Variants in TET2 observed in about 807,000 individuals in gnomAD.
TET2 encodes the protein tet methylcytosine dioxygenase 2.
A neutral mutation model predicts 142.9 loss-of-function variants in TET2; 299 were observed. The observed-to-expected ratio is 2.09, with a 90% confidence interval of 1.90 to 2.30. The LOEUF is 2.30. Among genes scored for constraint, TET2 ranks in the 30% most tolerant of loss-of-function variants. TET2 has a pLI of 0.00. For synonymous variants in TET2, 819 were observed against 849.0 expected, an observed-to-expected ratio of 0.96 and a Z score of 0.61; for missense variants, 2,418 against 2,378.0, an observed-to-expected ratio of 1.02 and a Z score of -0.35.
At chr4:105,255,283 A>C (rs1371783529) in intron 6 of TET2, among the ~76,000 whole-genome samples, 2 of 152,066 alleles carry the variant, frequency 1.3e-5, no homozygotes, top group Non-Finnish European at 2.9e-5. Context: ...ACTGTATAGG[A>C]GTATATTTTT....
intron 2 of TET2, among the ~76,000 whole-genome samples, chr4:105,208,088 T>C (rs1726931505): frequency 6.6e-6 from 1 of 152,204 alleles, no homozygotes; most frequent in Non-Finnish European, 1.5e-5. Flanking sequence ...ATTAAATTGC[T>C]ACTTGAGTTC....
At chr4:105,154,129 G>A (rs1295792272) in intron 1 of TET2, among the ~76,000 whole-genome samples, 7 of 152,214 alleles carry the variant, frequency 4.6e-5, no homozygotes, top group Admixed American at 4.6e-4. Context: ...CTAGGGGCTA[G>A]GGATGGGAGG....
chr4:105,276,331 C>G lies in TET2; in HGVS notation c.5821C>G (p.Pro1941Ala), dbSNP rs1283441077. ...ECEKYGPDYV[P>A]QKSHGKKVKR... ...TGAAAAGTATGGCCCAGACTATGTG[C>G]CTCAGAAATCCCATGGCAAAAAAGT... is the stretch of plus-strand genomic sequence containing the variant. Residue 1941 changes from proline (P) to alanine (A), a missense_variant, in exon 11 of 11, where the codon CCT (proline) becomes GCT (alanine). Coordinates refer to ENST00000380013, the MANE Select transcript of TET2 (RefSeq NM_001127208.3). 1.9e-6 allele frequency: 3 copies of G among 1,551,688 alleles called. No homozygotes were observed. The highest frequency in any genetic ancestry group is 8.7e-7 in the Non-Finnish European group (1 of 1,146,984).
intron 9 of TET2, among the ~76,000 whole-genome samples, chr4:105,272,216 T>G (rs752053440): frequency 2.6e-4 from 40 of 152,186 alleles, no homozygotes; most frequent in Non-Finnish European, 5.1e-4. Context: ...AGCACATCTA[T>G]TTTTGAAGTG....
At position 105,236,328 on chromosome 4, in the gene TET2, G is replaced by A. The variant is rs747398674; in HGVS notation, c.2386G>A (p.Glu796Lys). 26 of 1,613,870 alleles carry A rather than the reference G, an allele frequency of 1.6e-5. No homozygotes were observed. The highest frequency in any genetic ancestry group is 1.9e-5 in the Non-Finnish European group (23 of 1,180,008). ...HGENQYSKSS[E>K]FETHNVQMGL... Reference sequence around the variant, plus strand: ...TGAAAATCAGTATTCAAAATCAAGCGAGTTCGAGACTCATAATGTCCAAAT... The same window carrying A: ...TGAAAATCAGTATTCAAAATCAAGCAAGTTCGAGACTCATAATGTCCAAAT... The change falls in exon 3 of 11, where the codon GAG becomes AAG. Residue 796 changes from glutamate to lysine, a missense_variant. By Grantham distance (56) the Glu-to-Lys change is moderately conservative. Transcript: ENST00000380013.
Position 105,236,644 on chromosome 4 carries a change from A to G in TET2, c.2702A>G (p.Asn901Ser). 1.2e-6 allele frequency: 2 copies of G among 1,614,102 alleles called. No individual in the cohort carries two copies. The highest frequency in any genetic ancestry group is 1.7e-6 in the Non-Finnish European group (2 of 1,180,008). ...QQASVLQGYK[N>S]RNQDMSGQQA... is the part of the protein sequence containing the mutation. ...GCTTCAGTTCTACAGGGATATAAAA[A>G]TAGAAACCAAGATATGTCTGGTCAA... Residue 901 changes from asparagine to serine, a missense_variant, in exon 3 of 11, where the codon AAT becomes AGT. Coordinates refer to ENST00000380013, the MANE Select transcript of TET2 (RefSeq NM_001127208.3).
At chr4:105,242,247 G>A (rs1220475390) in intron 4 of TET2, 1 of 1,088,738 alleles carries the variant, frequency 9.2e-7, no homozygotes, top group Admixed American at 5.3e-5. Flanking sequence ...GGCAGAAATA[G>A]TGAATTTCCC....
chr4:105,274,096 T>G (rs1391461812), intron 10 of TET2, among the ~76,000 whole-genome samples: 1 of 152,258 alleles, frequency 6.6e-6, no homozygotes, highest in Non-Finnish European at 1.5e-5. Flanking sequence ...TAAGTGTTTA[T>G]TGACTGGTTG....
chr4:105,204,599 C>G (rs926735072), intron 2 of TET2, among the ~76,000 whole-genome samples: 1 of 152,076 alleles, frequency 6.6e-6, no homozygotes, highest in Non-Finnish European at 1.5e-5. Context: ...GCACAATGGG[C>G]TCTGGGTATA....
chr4:105,167,335 C>T (rs1226060921), intron 1 of TET2, among the ~76,000 whole-genome samples: 1 of 151,558 alleles, frequency 6.6e-6, no homozygotes, highest in Non-Finnish European at 1.5e-5. Flanking sequence ...TATCTAAAAA[C>T]AATACAACTA....
chr4:105,273,587 G>A (rs1243163534), intron 10 of TET2, among the ~76,000 whole-genome samples: 1 of 152,050 alleles, frequency 6.6e-6, no homozygotes, highest in African/African-American at 2.4e-5. Flanking sequence ...ACAAAACACT[G>A]GAATGAAAGA....
Position 105,275,196 on chromosome 4 carries a change from T to TGC in TET2, c.4686_4687insGC (p.Ser1563AlafsTer9). The TGC allele has an allele frequency of 6.4e-7, 1 of 1,552,316 alleles. No homozygotes were observed. The highest frequency in any genetic ancestry group is 8.7e-7 in the Non-Finnish European group (1 of 1,147,132). ...CAGAGTCTGTCAACTCTTATTCTGC[T>TGC]TCTGGATCCACCAATCCATACATGA... On this transcript the variant is annotated frameshift_variant, in exon 11 of 11. Transcript: ENST00000380013. LOFTEE classifies it low-confidence loss of function (END_TRUNC).
rs1304494494 is a variant in TET2, at chr4:105,235,137, C to CCA, written c.1197_1198dup (p.Pro400HisfsTer28). The CCA allele has an allele frequency of 6.2e-7, 1 of 1,613,842 alleles. No individual in the cohort carries two copies. The highest frequency in any genetic ancestry group is 8.5e-7 in the Non-Finnish European group (1 of 1,179,848). ...TTCCTTTTCTGCCACTACCACACCA[C>CCA]CACCACCATCACAATTGCTTCTTTC... On this transcript the variant is annotated frameshift_variant, in exon 3 of 11. Transcript: ENST00000380013. LOFTEE classifies it high-confidence loss of function.
At chr4:105,146,564 GC>G (rs1030889603), upstream of TET2, 3 of 152,954 alleles carry the variant, frequency 2.0e-5, no homozygotes, top group Admixed American at 6.5e-5. Flanking sequence ...GGTGCGGGGG[GC>G]TAATTCCCTG....
Position 105,269,614 on chromosome 4 carries a change from AAT to A in TET2, c.4052_4053del (p.Tyr1351Ter). 6.4e-7 allele frequency: 1 copy of A among 1,551,544 alleles called. No individual in the cohort carries two copies. The highest frequency in any genetic ancestry group is 8.7e-7 in the Non-Finnish European group (1 of 1,146,868). On this transcript the variant is annotated frameshift_variant, in exon 9 of 11. Transcript: ENST00000380013. LOFTEE classifies it high-confidence loss of function. Reference sequence around the variant, plus strand: ...ACACACACTTTTATTTTTCAGATTGAATATGAACACAGAGCACCAGAGTGCCG... The same window carrying A: ...ACACACACTTTTATTTTTCAGATTGAATGAACACAGAGCACCAGAGTGCCG...
chr4:105,225,185 C>CGTGTGTGTGT (rs79864807), intron 2 of TET2, among the ~76,000 whole-genome samples: 4,380 of 147,142 alleles, frequency 0.03, 94 homozygotes, highest in Non-Finnish European at 0.038. Flanking sequence ...AGTAAAAAAT[C>CGTGTGTGTGT]GTGTGTGTGT....
rs533041272 is a variant in TET2 at position 105,260,934 on chromosome 4, C to T, written c.3955-825C>T. On this transcript the variant is annotated intron_variant, in intron 7 of 10. Coordinates refer to ENST00000380013, the MANE Select transcript of TET2 (RefSeq NM_001127208.3). ...TTTATCAAGTGATAAATGTTTATCACTTTCACGAGGTTTCATGTAAACCAA... is the reference window on the plus strand; with the variant it reads ...TTTATCAAGTGATAAATGTTTATCATTTTCACGAGGTTTCATGTAAACCAA... Among the ~76,000 whole-genome samples, 5 of 152,088 alleles carry T rather than the reference C, an allele frequency of 3.3e-5. No homozygotes were observed. In the East Asian group the frequency reaches 9.7e-4, roughly 29 times the overall value.
chr4:105,167,952 A>G (rs1397606017), intron 1 of TET2, among the ~76,000 whole-genome samples: 1 of 152,208 alleles, frequency 6.6e-6, no homozygotes, highest in Non-Finnish European at 1.5e-5. Flanking sequence ...AAAAGGAATA[A>G]CTGATCCTCC....
At chr4:105,163,531 T>G (rs1314775461) in intron 1 of TET2, among the ~76,000 whole-genome samples, 1 of 152,164 alleles carries the variant, frequency 6.6e-6, no homozygotes, top group East Asian at 1.9e-4. Context: ...ATTGATTAAG[T>G]TCTTATGTTG....
Sources: gnomAD v4.1 joint callset for allele counts (sites outside exome capture counted in the v4.1 genomes callset) on GRCh38, gnomAD v4.1.1 for gene constraint, MANE v1.5 for transcripts, NCBI Gene and HGNC (gene_info 2026-07-23, HGNC 2026-07-21) for gene names.